THOC7: variants seen among roughly 807,000 people sequenced by gnomAD.
THOC7 encodes THO complex subunit 7.
THOC7 carries 22 observed loss-of-function variants against 33.1 expected under a neutral mutation model. The ratio of observed to expected loss-of-function variants is 0.66; its 90% CI spans 0.47 to 0.95. The LOEUF (loss-of-function observed/expected upper bound fraction) is 0.95. Among genes scored for constraint, THOC7 ranks in the 40% least tolerant of loss-of-function variants. The pLI is 0.00. For missense variants in THOC7, 184 were observed against 245.3 expected (o/e 0.75, Z 1.67); for synonymous variants, 77 against 76.8 (o/e 1.00, Z -0.01).
intron 1 of THOC7, among the ~76,000 whole-genome samples, chr3:63,840,624 C>T (rs1378181561): frequency 6.6e-6 from 1 of 152,148 alleles, no homozygotes; most frequent in Non-Finnish European, 1.5e-5. Flanking sequence ...TAAAAAAATA[C>T]AGATGACAAT....
At chr3:63,862,073 G>T (rs1702234390) in intron 1 of THOC7, among the ~76,000 whole-genome samples, 1 of 152,256 alleles carries the variant, frequency 6.6e-6, no homozygotes, top group Admixed American at 6.5e-5. Context: ...TTACAGGCGT[G>T]AGCCACTGTG....
At chr3:63,863,394 G>T in intron 1 of THOC7, 2 of 1,020,882 alleles carry the variant, frequency 2.0e-6, no homozygotes. Context: ...TCCTCACCGC[G>T]CCCCTAGACA....
chr3:63,859,773 G>A (rs750992631), intron 1 of THOC7, among the ~76,000 whole-genome samples: 7 of 152,164 alleles, frequency 4.6e-5, no homozygotes, highest in Admixed American at 3.9e-4. Flanking sequence ...ACTTGTTGAC[G>A]GATCACACAT....
chr3:63,837,279 A>G (rs1320342963), intron 4 of THOC7, among the ~76,000 whole-genome samples: 1 of 152,020 alleles, frequency 6.6e-6, no homozygotes, highest in African/African-American at 2.4e-5. Flanking sequence ...ATAACCATTA[A>G]CATTTTCTAT....
rs754063237 is a variant in THOC7 at position 63,836,381 on chromosome 3, T to C, written c.353-23A>G. On this transcript the variant is annotated intron_variant, in intron 4 of 7. Transcript: ENST00000295899. ...ATTCTGTAAGACATAAAAATATTTA[T>C]CAAACTAAGGATTTTTTGAATGTGA... The C allele has an allele frequency of 3.9e-4, 627 of 1,608,406 alleles. 1 individual carries two copies. Among genetic ancestry groups the C allele is most frequent in the Non-Finnish European group, 4.9e-4 (580 of 1,176,574 alleles).
At chr3:63,853,735 T>C (rs933300949) in intron 1 of THOC7, among the ~76,000 whole-genome samples, 4 of 152,166 alleles carry the variant, frequency 2.6e-5, no homozygotes, top group South Asian at 2.1e-4. Context: ...GGTGAAACCC[T>C]GTCTGTACTG....
chr3:63,845,577 A>C (rs1701874742), intron 1 of THOC7, among the ~76,000 whole-genome samples: 1 of 152,044 alleles, frequency 6.6e-6, no homozygotes, highest in South Asian at 2.1e-4. Context: ...GGGGACATGA[A>C]CTCTGGCTTT....
intron 1 of THOC7, among the ~76,000 whole-genome samples, chr3:63,853,631 G>A (rs1702057685): frequency 6.6e-6 from 1 of 152,146 alleles, no homozygotes; most frequent in African/African-American, 2.4e-5. Flanking sequence ...ATTCACGGCC[G>A]GGCACTATGG....
At chr3:63,849,772 C>CT (rs1254822586) in intron 1 of THOC7, among the ~76,000 whole-genome samples, 2 of 151,878 alleles carry the variant, frequency 1.3e-5, no homozygotes, top group African/African-American at 4.8e-5. Flanking sequence ...TTTCTTTTTT[C>CT]TTTTTCTCCT....
chr3:63,833,918 C>A lies in THOC7; in HGVS notation c.*214G>T. On this transcript the variant is annotated 3_prime_UTR_variant, in exon 8 of 8. Transcript: ENST00000295899. ...AGCATTTTTGGATGTTGCTTCCTAC[C>A]ACTTAAGAATAAAAAATGCATTTTA... The A allele has an allele frequency of 2.2e-6, 1 of 463,162 alleles. No homozygotes were observed. The allele number at this position is 463,162 out of a possible 1,614,324, so 28.7% of individuals were successfully genotyped here.
intron 1 of THOC7, among the ~76,000 whole-genome samples, chr3:63,843,972 G>A (rs1701829566): frequency 6.6e-6 from 1 of 151,314 alleles, no homozygotes; most frequent in Admixed American, 6.6e-5. Flanking sequence ...ACACAAATAT[G>A]TGTTACACAT....
At chr3:63,861,776 T>G (rs964871476) in intron 1 of THOC7, 1 of 143,158 alleles carries the variant, frequency 7.0e-6, no homozygotes, top group African/African-American at 2.6e-5. Flanking sequence ...ACAGAGACAG[T>G]GTGTATGTGT....
intron 1 of THOC7, among the ~76,000 whole-genome samples, chr3:63,851,819 A>C (rs1702024897): frequency 6.6e-6 from 1 of 152,060 alleles, no homozygotes; most frequent in East Asian, 1.9e-4. Flanking sequence ...TGGAACACTT[A>C]TTCTATTTTA....
intron 1 of THOC7, 143 bp from the exon 2 acceptor site, chr3:63,839,916 A>T (rs1701723281): frequency 6.4e-6 from 4 of 626,294 alleles, no homozygotes; most frequent in Non-Finnish European, 8.1e-6. Context: ...TACACTTAAA[A>T]ATGGCTAGCT....
At chr3:63,863,306 C>G in intron 1 of THOC7, 1 of 371,046 alleles carries the variant, frequency 2.7e-6, no homozygotes, top group Non-Finnish European at 3.7e-6. Flanking sequence ...AGCTCCCACT[C>G]CCTCCCAGAC....
intron 3 of THOC7, 50 bp from the exon 4 acceptor site, chr3:63,838,112 A>G (rs759586175): frequency 4.0e-6 from 6 of 1,481,552 alleles, no homozygotes; most frequent in Non-Finnish European, 5.5e-6. Context: ...TCAATAATCC[A>G]TTTTTAATTT....
At chr3:63,837,839 T>G in intron 4 of THOC7, 137 bp downstream of exon 4, 1 of 625,076 alleles carries the variant, frequency 1.6e-6, no homozygotes. Context: ...ATAATATAGT[T>G]TTAAGGAATT....
intron 4 of THOC7, 30 bp from the exon 5 acceptor site, chr3:63,836,388 A>G (rs1396564110): frequency 1.2e-6 from 2 of 1,606,324 alleles, no homozygotes; most frequent in East Asian, 4.5e-5. Flanking sequence ...TTATCAAACT[A>G]AGGATTTTTT....
intron 1 of THOC7, among the ~76,000 whole-genome samples, chr3:63,862,710 G>T (rs1023667822): frequency 6.6e-6 from 1 of 152,028 alleles, no homozygotes; most frequent in African/African-American, 2.4e-5. Context: ...CTTAAGAAGT[G>T]GCCTCTCCAC....
Sources: allele counts gnomAD v4.1 joint callset (sites outside exome capture counted in the v4.1 genomes callset), GRCh38; gene constraint gnomAD v4.1.1; transcripts MANE v1.5; gene names NCBI Gene and HGNC (gene_info 2026-07-23, HGNC 2026-07-21).